The following RMDN2 variants were observed in gnomAD, a reference collection of about 807,000 sequenced individuals.
RMDN2 encodes the protein regulator of microtubule dynamics protein 2.
RMDN2 carries 61 observed loss-of-function variants against 52.8 expected under a neutral mutation model. The ratio of observed to expected loss-of-function variants is 1.16; its 90% confidence interval spans 0.94 to 1.43. RMDN2 has a LOEUF of 1.43. Among genes scored for constraint, RMDN2 ranks in the 40% most tolerant of loss-of-function variants. The probability of loss-of-function intolerance (pLI) is 0.00; values close to 1 mark genes in which losing one functional copy is unlikely to be tolerated. For synonymous variants in RMDN2, 180 were observed against 153.1 expected (o/e 1.18, Z -1.30); for missense variants, 592 against 475.3 (o/e 1.25, Z -2.28).
exon 11 of RMDN2, chr2:38,067,098 A>G (rs1682315842): frequency 1.9e-6 from 2 of 1,079,056 alleles, no homozygotes; most frequent in African/African-American, 1.6e-5. Flanking sequence ...AAGTATTTTT[A>G]CCAAGTAAAA....
At chr2:37,962,568 C>T (rs543794992) in intron 2 of RMDN2, among the ~76,000 whole-genome samples, 10 of 152,320 alleles carry the variant, frequency 6.6e-5, no homozygotes, top group Admixed American at 5.2e-4. Flanking sequence ...CCCAGGTAGA[C>T]TTCAGACTGC....
At chr2:37,987,856 C>T (rs12712570) in intron 5 of RMDN2, among the ~76,000 whole-genome samples, 65,732 of 151,778 alleles carry the variant, frequency 0.43, 16,095 homozygotes, top group East Asian at 0.77. Flanking sequence ...GTCAGGAGTT[C>T]GAGACCAGTC....
chr2:38,010,028 T>C (rs968925922), intron 10 of RMDN2, among the ~76,000 whole-genome samples: 3 of 152,302 alleles, frequency 2.0e-5, no homozygotes, highest in African/African-American at 7.2e-5. Context: ...GAACAGTGGA[T>C]ATTCGTGAGC....
At chr2:38,057,540 C>G (rs887306707) in intron 10 of RMDN2, among the ~76,000 whole-genome samples, 2 of 152,166 alleles carry the variant, frequency 1.3e-5, no homozygotes, top group East Asian at 3.8e-4. Flanking sequence ...ACAGGAGATT[C>G]ATCTTACCAA....
At chr2:37,991,643 G>T (rs1324174342) in intron 7 of RMDN2, among the ~76,000 whole-genome samples, 1 of 151,804 alleles carries the variant, frequency 6.6e-6, no homozygotes, top group Admixed American at 6.6e-5. Flanking sequence ...CTTTGTGGCT[G>T]TCTCAGTTTG....
chr2:38,012,729 A>T, intron 10 of RMDN2: 1 of 356,210 alleles, frequency 2.8e-6, no homozygotes. Context: ...CTCCATCTCT[A>T]TAAAGTTTTT....
chr2:37,951,743 C>G, intron 2 of RMDN2: 1 of 1,612,558 alleles, frequency 6.2e-7, no homozygotes, highest in Non-Finnish European at 8.5e-7. Context: ...AACATATAAC[C>G]ATCTCTGCTC....
At chr2:37,948,871 G>C (rs547568836) in intron 2 of RMDN2, among the ~76,000 whole-genome samples, 2 of 152,144 alleles carry the variant, frequency 1.3e-5, no homozygotes, top group African/African-American at 4.8e-5. Context: ...GAGCAGCAGT[G>C]ATTGACAGTG....
At chr2:38,041,505 A>G (rs1680952687) in intron 10 of RMDN2, among the ~76,000 whole-genome samples, 1 of 144,934 alleles carries the variant, frequency 6.9e-6, no homozygotes, top group Non-Finnish European at 1.5e-5. Context: ...GAGAGGAGAC[A>G]TATATACTTT....
intron 2 of RMDN2, among the ~76,000 whole-genome samples, chr2:37,933,232 C>T (rs1666988599): frequency 6.6e-6 from 1 of 150,774 alleles, no homozygotes; most frequent in African/African-American, 2.4e-5. Context: ...GGAAGAGGCG[C>T]TCCTCACTTC....
At chr2:38,001,099 A>G (rs1469585882) in intron 8 of RMDN2, among the ~76,000 whole-genome samples, 2 of 152,188 alleles carry the variant, frequency 1.3e-5, no homozygotes, top group Non-Finnish European at 1.5e-5. Context: ...CCAGCTGCAG[A>G]ACTCTTGGCT....
intron 1 of RMDN2, among the ~76,000 whole-genome samples, chr2:37,926,147 C>A (rs1323808027): frequency 2.0e-5 from 3 of 152,192 alleles, no homozygotes; most frequent in Non-Finnish European, 4.4e-5. Flanking sequence ...CAAAATTTGT[C>A]ATACCTTCCC....
At chr2:37,925,934 A>T (rs1239638441) in intron 1 of RMDN2, among the ~76,000 whole-genome samples, 1 of 152,220 alleles carries the variant, frequency 6.6e-6, no homozygotes, top group Non-Finnish European at 1.5e-5. Flanking sequence ...AATGAGGCAA[A>T]CACTTGGGAG....
chr2:37,941,320 A>C (rs552381506), intron 2 of RMDN2, among the ~76,000 whole-genome samples: 140 of 152,284 alleles, frequency 9.2e-4, no homozygotes, highest in Non-Finnish European at 1.5e-3. Context: ...CCTGTGCGAG[A>C]TGTCTGTTGA....
At chr2:37,936,001 C>T (rs918536815) in intron 2 of RMDN2, among the ~76,000 whole-genome samples, 1 of 152,128 alleles carries the variant, frequency 6.6e-6, no homozygotes, top group Non-Finnish European at 1.5e-5. Context: ...CTGCACCTAT[C>T]AACCCGTCAT....
chr2:38,058,903 C>G (rs1054942258), intron 10 of RMDN2, among the ~76,000 whole-genome samples: 1 of 152,154 alleles, frequency 6.6e-6, no homozygotes, highest in African/African-American at 2.4e-5. Context: ...GTGTATGTAT[C>G]TTTATATTAT....
chr2:37,926,998 CTGATGTA>C lies in RMDN2; in HGVS notation c.-17+1575_-17+1581del, dbSNP rs146702497. Among the ~76,000 whole-genome samples, 100 of 152,034 alleles carry C rather than the reference CTGATGTA, an allele frequency of 6.6e-4. 1 individual carries two copies. In the East Asian group the frequency reaches 0.012, roughly 18 times the overall value. On this transcript the variant is annotated intron_variant, in intron 1 of 10. Coordinates refer to ENST00000354545, the MANE Select transcript of RMDN2 (RefSeq NM_001170791.3). ...ATTATTCTGAAGGCAAGCAAGTACT[CTGATGTA>C]TTTTGTACATTATTTTTAATGTGTC...
chr2:37,958,341 T>TAATTTGATTACACTGTGGTCTGAGAGAC (rs1558470700), intron 2 of RMDN2, among the ~76,000 whole-genome samples: 5 of 151,600 alleles, frequency 3.3e-5, no homozygotes, highest in African/African-American at 1.2e-4. Flanking sequence ...TTTGTAGTTC[T>TAATTTGATTACACTGTGGTCTGAGAGAC]TCTTGAAGAA....
At chr2:38,066,847 T>A in intron 10 of RMDN2, 1 of 705,420 alleles carries the variant, frequency 1.4e-6, no homozygotes, top group Non-Finnish European at 2.5e-6. Context: ...CTGTCATACA[T>A]CTGGAAAACT....
Sources: gnomAD v4.1 joint callset for allele counts (sites outside exome capture counted in the v4.1 genomes callset) on GRCh38, gnomAD v4.1.1 for gene constraint, MANE v1.5 for transcripts, NCBI Gene and HGNC (gene_info 2026-07-23, HGNC 2026-07-21) for gene names.